The following ATP6AP2 variants were observed in gnomAD, a reference collection of about 807,000 sequenced individuals.
ATP6AP2 encodes the protein ATPase H+ transporting accessory protein 2.
A neutral mutation model predicts 23.4 loss-of-function variants in ATP6AP2; 1 was observed. The observed-to-expected ratio is 0.04, with a 90% confidence interval of 0.02 to 0.20. The LOEUF (loss-of-function observed/expected upper bound fraction) is 0.20, where lower values mean the gene tolerates loss of function less well. Among genes scored for constraint, ATP6AP2 ranks in the 10% least tolerant of loss-of-function variants. The pLI, the probability that ATP6AP2 is intolerant of heterozygous loss-of-function variation, is 1.00. For synonymous variants in ATP6AP2, 90 were observed against 97.1 expected (o/e 0.93, Z 0.43); for missense variants, 174 against 271.3 (o/e 0.64, Z 2.52).
intron 8 of ATP6AP2, 132 bp from the exon 9 acceptor site, chrX:40,605,429 C>T: frequency 1.7e-6 from 1 of 584,840 alleles, no homozygotes; most frequent in South Asian, 2.7e-5. Flanking sequence ...TTGCTTCCTC[C>T]TAGTATAAGT....
At chrX:40,592,783 G>A (rs1258361610) in intron 3 of ATP6AP2, among the ~76,000 whole-genome samples, 4 of 107,147 alleles carry the variant, frequency 3.7e-5, no homozygotes, top group South Asian at 4.0e-4. Context: ...AGACTTTCCT[G>A]TGGTCGAGTA....
chrX:40,585,851 T>C (rs2146536723), intron 1 of ATP6AP2, among the ~76,000 whole-genome samples: 1 of 110,882 alleles, frequency 9.0e-6, no homozygotes, highest in South Asian at 3.8e-4. Flanking sequence ...CAAGACCCTG[T>C]CTCAAAAAAT....
intron 8 of ATP6AP2, among the ~76,000 whole-genome samples, chrX:40,604,202 T>C (rs989023157): frequency 8.0e-5 from 9 of 112,356 alleles, no homozygotes; most frequent in African/African-American, 2.9e-4. Context: ...CATAAGTATA[T>C]AACATATTTA....
Position 40,588,340 on chromosome X carries a change from C to A in ATP6AP2, c.38-646C>A, listed in dbSNP as rs1340991791. On this transcript the variant is annotated intron_variant, in intron 1 of 8. Transcript: ENST00000636580. ...TTCTACTTGTGACATGTATGCCCCC[C>A]CCCCCCCCCAACATTTGACAGTCCT... Among the ~76,000 whole-genome samples the A allele has an allele frequency of 6.4e-4, 37 of 57,623 alleles. 1 individual carries two copies. Among genetic ancestry groups the A allele is most frequent in the African/African-American group, 1.9e-3 (30 of 15,430 alleles). The allele number at this position is 57,623 out of a possible 115,157, so 50.0% of individuals were successfully genotyped here.
intron 3 of ATP6AP2, among the ~76,000 whole-genome samples, chrX:40,593,249 A>G (rs1021048756): frequency 8.7e-5 from 9 of 103,549 alleles, no homozygotes; most frequent in Non-Finnish European, 1.2e-4. Context: ...TCCATCTGGG[A>G]AAAAAAAAAA....
chrX:40,598,542 A>G, intron 5 of ATP6AP2, 139 bp from the exon 6 acceptor site: 1 of 629,188 alleles, frequency 1.6e-6, no homozygotes. Flanking sequence ...TGAAGCAAAC[A>G]TACCAAATGG....
rs1171755103 is a variant in ATP6AP2, at chrX:40,604,534, TCGA to T, written c.859-1025_859-1023del. Among the ~76,000 whole-genome samples, 159 of 111,300 alleles carry T rather than the reference TCGA, an allele frequency of 1.4e-3. 1 individual carries two copies. The highest frequency in any genetic ancestry group is 5.1e-3 in the African/African-American group (156 of 30,606). On this transcript the variant is annotated intron_variant, in intron 8 of 8. Transcript: ENST00000636580. Reference sequence around the variant, plus strand: ...AATCACCTCCCACCAGGTCCCTCTCTCGACACGTGGGGATTACAAATCGAGATG... The same window carrying T: ...AATCACCTCCCACCAGGTCCCTCTCTCACGTGGGGATTACAAATCGAGATG...
At chrX:40,593,204 G>A (rs910884607) in intron 3 of ATP6AP2, among the ~76,000 whole-genome samples, 7 of 110,004 alleles carry the variant, frequency 6.4e-5, no homozygotes, top group East Asian at 2.9e-4. Flanking sequence ...CTGGGATTGC[G>A]CCACTGCACT....
intron 1 of ATP6AP2, among the ~76,000 whole-genome samples, chrX:40,584,807 C>T (rs972331740): frequency 9.0e-6 from 1 of 111,598 alleles, no homozygotes; most frequent in African/African-American, 3.3e-5. Flanking sequence ...CGGGGTTTCA[C>T]TATGTTCACC....
At position 40,605,470 on chromosome X, in the gene ATP6AP2, G is replaced by A. The variant is rs1283909426; in HGVS notation, c.859-91G>A. The A allele has an allele frequency of 4.8e-6, 4 of 833,607 alleles. No homozygotes were observed. In the East Asian group the frequency reaches 9.6e-5, roughly 20 times the overall value. The allele number at this position is 833,607 out of a possible 1,213,427, so 68.7% of individuals were successfully genotyped here. ...TTATGCCACTTATGAAGAAATGTTTGTTAGACAAATGAATCACAGTCACTA... is the reference window on the plus strand; with the variant it reads ...TTATGCCACTTATGAAGAAATGTTTATTAGACAAATGAATCACAGTCACTA... On this transcript the variant is annotated intron_variant, in intron 8 of 8. Transcript: ENST00000636580.
intron 1 of ATP6AP2, among the ~76,000 whole-genome samples, chrX:40,584,797 C>T (rs768567491): frequency 1.2e-4 from 13 of 111,429 alleles, no homozygotes; most frequent in South Asian, 3.8e-4. Context: ...TTGGTAGAGA[C>T]GGGGTTTCAC....
Position 40,605,693 on chromosome X carries a change from A to G in ATP6AP2, c.991A>G (p.Met331Val), listed in dbSNP as rs1213209920. The G allele has an allele frequency of 1.7e-6, 2 of 1,207,900 alleles. No individual in the cohort carries two copies. The highest frequency in any genetic ancestry group is 2.2e-6 in the Non-Finnish European group (2 of 893,274). The change falls in exon 9 of 9, where the codon ATG becomes GTG. Residue 331 changes from methionine to valine, a missense_variant. Met to Val is a conservative substitution (Grantham distance 21). Transcript: ENST00000636580. Reference protein sequence around the residue: ...VIITSYNIWNMDPGYDSIIYR... With the variant: ...VIITSYNIWNVDPGYDSIIYR... ...TATCACCTCTTACAATATTTGGAAC[A>G]TGGATCCTGGATATGATAGCATCAT...
intron 2 of ATP6AP2, chrX:40,589,340 C>G (rs1444248200): frequency 5.3e-6 from 2 of 378,948 alleles, no homozygotes; most frequent in African/African-American, 5.1e-5. Context: ...TGAGACCAAC[C>G]TGGGCAACAT....
intron 1 of ATP6AP2, among the ~76,000 whole-genome samples, chrX:40,581,304 G>A (rs771416167): frequency 1.8e-5 from 2 of 113,504 alleles, no homozygotes; most frequent in East Asian, 5.6e-4. Flanking sequence ...CGCCGGGGCC[G>A]GGGCTGGGCT....
chrX:40,597,477 A>G (rs1261692434), intron 4 of ATP6AP2, 50 bp from the exon 5 acceptor site: 2 of 1,167,072 alleles, frequency 1.7e-6, no homozygotes, highest in Admixed American at 2.2e-5. Context: ...TGGGTATTGG[A>G]ACTAATCTGT....
Position 40,598,369 on chromosome X carries a change from G to A in ATP6AP2, c.535-312G>A, listed in dbSNP as rs763139936. 577 of 297,925 alleles carry A rather than the reference G, an allele frequency of 1.9e-3. 5 individuals are homozygous for A. The highest frequency in any genetic ancestry group is 0.014 in the African/African-American group (530 of 37,364). 24.6% of individuals were successfully genotyped at this position (297,925 alleles called of 1,213,427 possible). A position where few individuals can be genotyped will look rare whatever the true frequency, so the allele number is the denominator to read the frequency against. On this transcript the variant is annotated intron_variant, in intron 5 of 8. Coordinates refer to ENST00000636580, the MANE Select transcript of ATP6AP2 (RefSeq NM_005765.3). ...ACTGGGCCAATGGTAGGATGTCATTGCAGAGTGCCAGGATATCCTGATGCT... is the reference window on the plus strand; with the variant it reads ...ACTGGGCCAATGGTAGGATGTCATTACAGAGTGCCAGGATATCCTGATGCT...
chrX:40,587,662 A>T (rs1217166876), intron 1 of ATP6AP2, among the ~76,000 whole-genome samples: 1 of 112,435 alleles, frequency 8.9e-6, no homozygotes, highest in East Asian at 2.8e-4. Flanking sequence ...GGTGTGGCTA[A>T]CATTTGTTCT....
At chrX:40,588,348 C>A (rs1244769574) in intron 1 of ATP6AP2, among the ~76,000 whole-genome samples, 4 of 69,639 alleles carry the variant, frequency 5.7e-5, no homozygotes, top group Non-Finnish European at 5.3e-5. Flanking sequence ...CCCCCCCCCC[C>A]CAACATTTGA....
At chrX:40,602,913 C>CTTTT (rs1351897356) in intron 8 of ATP6AP2, among the ~76,000 whole-genome samples, 5 of 45,241 alleles carry the variant, frequency 1.1e-4, no homozygotes, top group African/African-American at 6.2e-4. Context: ...CCAGAGAATT[C>CTTTT]TTTTTTTTTT....
Sources: allele counts gnomAD v4.1 joint callset (sites outside exome capture counted in the v4.1 genomes callset), GRCh38; gene constraint gnomAD v4.1.1; transcripts MANE v1.5; gene names NCBI Gene and HGNC (gene_info 2026-07-23, HGNC 2026-07-21).